Variants in GRID2 observed in about 807,000 individuals in gnomAD.
The protein encoded by GRID2 is glutamate receptor ionotropic, delta-2.
Under a neutral mutation model 114.8 loss-of-function variants are expected in GRID2, and 33 were observed. The observed-to-expected ratio is 0.29, with a 90% CI of 0.22 to 0.38. The LOEUF is 0.38. Ranked by LOEUF, GRID2 falls within the 10% of genes least tolerant of loss-of-function variation. The probability of loss-of-function intolerance (pLI) is 1.00; values close to 1 mark genes in which losing one functional copy is unlikely to be tolerated. For synonymous variants in GRID2, 505 were observed against 449.9 expected (o/e 1.12, Z -1.55); for missense variants, 1,184 against 1,257.7 (o/e 0.94, Z 0.89).
chr4:92,967,624 C>T (rs1029170949), intron 2 of GRID2, among the ~76,000 whole-genome samples: 10 of 151,996 alleles, frequency 6.6e-5, no homozygotes, highest in Middle Eastern at 3.4e-3. Context: ...TGAAGCATTT[C>T]GTGAGTTCTA....
intron 9 of GRID2, among the ~76,000 whole-genome samples, chr4:93,402,415 C>A (rs1284919751): frequency 6.6e-6 from 1 of 152,010 alleles, no homozygotes; most frequent in African/African-American, 2.4e-5. Flanking sequence ...GCAAAATGAA[C>A]AGTGCTTCTA....
chr4:92,804,561 A>C (rs999097918), intron 2 of GRID2, among the ~76,000 whole-genome samples: 2 of 152,180 alleles, frequency 1.3e-5, no homozygotes, highest in African/African-American at 4.8e-5. Context: ...AGCAAAACTT[A>C]GTATGTGCAT....
chr4:93,418,626 T>C (rs1248371542), intron 9 of GRID2, among the ~76,000 whole-genome samples: 2 of 152,054 alleles, frequency 1.3e-5, no homozygotes, highest in African/African-American at 2.4e-5. Flanking sequence ...AATTATTATG[T>C]TGGTGCAAAA....
intron 1 of GRID2, among the ~76,000 whole-genome samples, chr4:92,447,263 A>C (rs1241050750): frequency 6.6e-6 from 1 of 152,210 alleles, no homozygotes; most frequent in Non-Finnish European, 1.5e-5. Flanking sequence ...TAAGTGAAAA[A>C]AACTAGTCCA....
At chr4:92,632,064 T>C (rs1222046856) in intron 2 of GRID2, among the ~76,000 whole-genome samples, 1 of 152,172 alleles carries the variant, frequency 6.6e-6, no homozygotes, top group East Asian at 1.9e-4. Flanking sequence ...ATATATTTCA[T>C]TGATGTTCAG....
At chr4:93,718,305 A>G (rs1160243376) in intron 14 of GRID2, among the ~76,000 whole-genome samples, 2 of 152,228 alleles carry the variant, frequency 1.3e-5, no homozygotes, top group African/African-American at 4.8e-5. Context: ...AGGAAGAGAC[A>G]TACTCTAGAA....
In GRID2 at chr4:93,556,255, T is replaced by C. The variant is rs116999487; in HGVS notation, c.2193+40844T>C. On this transcript the variant is annotated intron_variant, in intron 13 of 15. Coordinates refer to ENST00000282020, the MANE Select transcript of GRID2 (RefSeq NM_001510.4). ...CAAGGGAACAAAACTAGATGGAGAATGAGTCTGACAAATTGATAGAAGTAG... is the reference window on the plus strand; with the variant it reads ...CAAGGGAACAAAACTAGATGGAGAACGAGTCTGACAAATTGATAGAAGTAG... Among the ~76,000 whole-genome samples the C allele has an allele frequency of 5.6e-3, 857 of 152,278 alleles. 12 individuals are homozygous for C. The East Asian group carries it at 0.064, about 11-fold the overall frequency.
At chr4:92,904,513 T>A (rs2149484010) in intron 2 of GRID2, among the ~76,000 whole-genome samples, 1 of 152,008 alleles carries the variant, frequency 6.6e-6, no homozygotes, top group East Asian at 1.9e-4. Context: ...ACATAAGCAT[T>A]TAGCAGCCAG....
intron 8 of GRID2, among the ~76,000 whole-genome samples, chr4:93,266,518 G>A (rs530776309): frequency 8.4e-4 from 128 of 152,090 alleles, no homozygotes; most frequent in Non-Finnish European, 1.4e-3. Flanking sequence ...TATGACCCAA[G>A]CTAGACCAGC....
chr4:93,611,112 G>A (rs1236037581), intron 13 of GRID2, among the ~76,000 whole-genome samples: 2 of 113,182 alleles, frequency 1.8e-5, no homozygotes, highest in Non-Finnish European at 1.8e-5. Flanking sequence ...AGAGGTGTTT[G>A]TAGTATTCTC....
At chr4:92,654,931 C>G (rs1309010330) in intron 2 of GRID2, among the ~76,000 whole-genome samples, 2 of 151,800 alleles carry the variant, frequency 1.3e-5, no homozygotes, top group African/African-American at 4.8e-5. Flanking sequence ...TTTGCCTGTG[C>G]TTTTGAGGTC....
At chr4:92,784,219 G>C (rs938821107) in intron 2 of GRID2, among the ~76,000 whole-genome samples, 3 of 151,796 alleles carry the variant, frequency 2.0e-5, no homozygotes, top group Admixed American at 1.3e-4. Context: ...TAAATATATA[G>C]TCTCAAAAAA....
chr4:93,246,888 G>A (rs1481600087), intron 8 of GRID2, among the ~76,000 whole-genome samples: 4 of 152,144 alleles, frequency 2.6e-5, no homozygotes, highest in Admixed American at 2.6e-4. Context: ...AGTATATTCT[G>A]TGGACCAAAT....
chr4:93,755,818 A>G (rs1732696881), intron 14 of GRID2, among the ~76,000 whole-genome samples: 1 of 152,210 alleles, frequency 6.6e-6, no homozygotes. Context: ...GGTTTGCCAC[A>G]TCAAGTTATC....
intron 2 of GRID2, among the ~76,000 whole-genome samples, chr4:92,698,260 A>G (rs564112416): frequency 3.9e-4 from 60 of 152,276 alleles, no homozygotes; most frequent in African/African-American, 1.4e-3. Context: ...TCTGTTCATA[A>G]TCACATATTA....
At chr4:92,691,716 G>A (rs555373643) in intron 2 of GRID2, among the ~76,000 whole-genome samples, 38 of 152,318 alleles carry the variant, frequency 2.5e-4, no homozygotes, top group African/African-American at 8.7e-4. Context: ...TTGGAAAACG[G>A]CAGTCATCCT....
rs186983032 is a variant in GRID2 at position 93,229,224 on chromosome 4, A to G, written c.1125+4449A>G. On this transcript the variant is annotated intron_variant, in intron 7 of 15. Transcript: ENST00000282020. ...TTTTTGGTCACCTATTTAGATGTCA[A>G]TGCTGGTGATACTCCACACATTAAG... 2.6e-4 allele frequency among the ~76,000 whole-genome samples: 40 copies of G among 152,274 alleles called. 1 individual carries two copies. Among genetic ancestry groups the G allele is most frequent in the Middle Eastern group, 3.4e-3 (1 of 294 alleles).
chr4:92,516,048 TGTAAAAGAAAA>T (rs1724485676), intron 1 of GRID2, among the ~76,000 whole-genome samples: 1 of 151,930 alleles, frequency 6.6e-6, no homozygotes, highest in South Asian at 2.1e-4. Context: ...GTCAGATACA[TGTAAAAGAAAA>T]GTCACACAAG....
chr4:92,522,353 G>A (rs554802006), intron 1 of GRID2, among the ~76,000 whole-genome samples: 1 of 152,054 alleles, frequency 6.6e-6, no homozygotes, highest in South Asian at 2.1e-4. Context: ...GATGAACAGA[G>A]AGCAAGACGA....
Sources: gnomAD v4.1 joint callset for allele counts (sites outside exome capture counted in the v4.1 genomes callset) on GRCh38, gnomAD v4.1.1 for gene constraint, MANE v1.5 for transcripts, NCBI Gene and HGNC (gene_info 2026-07-23, HGNC 2026-07-21) for gene names.